FYB2: variants seen among roughly 807,000 people sequenced by gnomAD.
FYB2 encodes the protein FYN-binding protein 2.
A neutral mutation model predicts 94.1 loss-of-function variants in FYB2; 103 were observed. That is an observed-to-expected ratio of 1.09 (90% CI 0.93 to 1.29). The LOEUF (loss-of-function observed/expected upper bound fraction) is 1.29, where lower values mean the gene tolerates loss of function less well. Ranked by LOEUF, FYB2 falls within the 50% of genes most tolerant of loss-of-function variation. The pLI is 0.00. For missense variants in FYB2, 896 were observed against 841.5 expected (o/e 1.06, Z -0.80); for synonymous variants, 293 against 287.9 (o/e 1.02, Z -0.18).
intron 17 of FYB2, among the ~76,000 whole-genome samples, chr1:56,722,283 CA>C (rs891788260): frequency 1.3e-5 from 2 of 151,984 alleles, no homozygotes; most frequent in African/African-American, 4.8e-5. Flanking sequence ...TAGTTCATCT[CA>C]AAAAATATTT....
chr1:56,762,412 AT>A, intron 5 of FYB2, among the ~76,000 whole-genome samples: 1 of 152,170 alleles, frequency 6.6e-6, no homozygotes, highest in Non-Finnish European at 1.5e-5. Context: ...TTTAATCAGA[AT>A]TTTATAGCTT....
intron 5 of FYB2, among the ~76,000 whole-genome samples, chr1:56,761,791 T>C (rs74602070): frequency 4.2e-5 from 4 of 95,052 alleles, no homozygotes; most frequent in Admixed American, 4.2e-4. Context: ...TCCTTCCCTC[T>C]CTCCTTCCCT....
At chr1:56,735,195 A>G (rs1245721896) in intron 15 of FYB2, among the ~76,000 whole-genome samples, 2 of 152,160 alleles carry the variant, frequency 1.3e-5, no homozygotes. Context: ...TAGCCAACAT[A>G]TGGAATCAAC....
intron 5 of FYB2, among the ~76,000 whole-genome samples, chr1:56,763,978 T>TTTGCTCTTATTGCCCAGTTTTGCTCTTA (rs1645563501): frequency 1.3e-5 from 2 of 151,858 alleles, no homozygotes; most frequent in African/African-American, 2.4e-5. Context: ...TAGATGGAGT[T>TTTGCTCTTATTGCCCAGTTTTGCTCTTA]TTGCTCTTAT....
chr1:56,751,001 C>A, intron 9 of FYB2, 43 bp downstream of exon 9: 1 of 1,585,022 alleles, frequency 6.3e-7, no homozygotes, highest in East Asian at 2.3e-5. Flanking sequence ...AGCTATAAAA[C>A]AAATTGTAAT....
chr1:56,803,848 A>G (rs6662617), intron 1 of FYB2, among the ~76,000 whole-genome samples: 51,422 of 152,054 alleles, frequency 0.34, 9,767 homozygotes, highest in Non-Finnish European at 0.44. Flanking sequence ...TCTACTGTCC[A>G]AATTTTACTC....
intron 6 of FYB2, among the ~76,000 whole-genome samples, chr1:56,757,970 T>C (rs1483747864): frequency 1.3e-5 from 2 of 150,224 alleles, no homozygotes; most frequent in Non-Finnish European, 3.0e-5. Context: ...GTAGGGACAG[T>C]ATTTCACCAT....
At chr1:56,803,596 C>G (rs1472953832) in intron 1 of FYB2, among the ~76,000 whole-genome samples, 3 of 152,190 alleles carry the variant, frequency 2.0e-5, no homozygotes, top group African/African-American at 7.2e-5. Context: ...CTCTAAAATA[C>G]AATTCCAGTC....
intron 17 of FYB2, among the ~76,000 whole-genome samples, chr1:56,721,719 T>A (rs901972654): frequency 1.3e-5 from 2 of 152,108 alleles, no homozygotes; most frequent in East Asian, 3.9e-4. Flanking sequence ...TACATGACAA[T>A]CCTTGAATAC....
At chr1:56,752,087 G>T (rs1645213341) in intron 8 of FYB2, among the ~76,000 whole-genome samples, 1 of 151,966 alleles carries the variant, frequency 6.6e-6, no homozygotes, top group East Asian at 1.9e-4. Flanking sequence ...TCCTTATAAG[G>T]GTAGCAAGGA....
chr1:56,740,073 T>A (rs1000100252), intron 13 of FYB2, among the ~76,000 whole-genome samples: 3 of 151,914 alleles, frequency 2.0e-5, no homozygotes, highest in Non-Finnish European at 4.4e-5. Flanking sequence ...ATGCCCACAG[T>A]TGTACATGGA....
chr1:56,823,493 A>C (rs1647005106), upstream of FYB2, among the ~76,000 whole-genome samples: 1 of 152,218 alleles, frequency 6.6e-6, no homozygotes, highest in Non-Finnish European at 1.5e-5. Context: ...TGTGGGTTCA[A>C]GAAAGGTCTT....
At chr1:56,819,560 A>G (rs1477648794), upstream of FYB2, 24 of 575,784 alleles carry the variant, frequency 4.2e-5, no homozygotes, top group East Asian at 6.9e-4. Flanking sequence ...CAGTCCTGCC[A>G]AGCCCACCTC....
chr1:56,728,005 A>G (rs1430955788), intron 15 of FYB2, among the ~76,000 whole-genome samples: 1 of 152,118 alleles, frequency 6.6e-6, no homozygotes, highest in Non-Finnish European at 1.5e-5. Flanking sequence ...TGGGCAACAT[A>G]GTAAGACCTC....
At chr1:56,751,914 G>A (rs1439589662) in intron 8 of FYB2, among the ~76,000 whole-genome samples, 1 of 151,998 alleles carries the variant, frequency 6.6e-6, no homozygotes, top group Non-Finnish European at 1.5e-5. Context: ...GAGGAGGTTG[G>A]TTCTCTTGGC....
At chr1:56,800,382 T>C (rs2101022369) in intron 1 of FYB2, among the ~76,000 whole-genome samples, 1 of 152,234 alleles carries the variant, frequency 6.6e-6, no homozygotes, top group South Asian at 2.1e-4. Context: ...TATGAAGGGA[T>C]AGGAACAACA....
chr1:56,725,511 A>T (rs529483888), intron 16 of FYB2, among the ~76,000 whole-genome samples: 1 of 152,194 alleles, frequency 6.6e-6, no homozygotes, highest in Non-Finnish European at 1.5e-5. Flanking sequence ...GTAGTTATCA[A>T]CATACTAAAA....
At chr1:56,753,287 C>A (rs1645244850) in intron 8 of FYB2, among the ~76,000 whole-genome samples, 1 of 152,090 alleles carries the variant, frequency 6.6e-6, no homozygotes, top group Non-Finnish European at 1.5e-5. Flanking sequence ...TACACACATT[C>A]ACCATATTTA....
In FYB2 at chr1:56,749,660, G is replaced by T. The variant is rs576181856; in HGVS notation, c.1387+1384C>A. ...CTGCAATATCTTGTAGGTTGGTTCT[G>T]CTATCTGTTCCACTGGTTTTCCCTC... On this transcript the variant is annotated intron_variant, in intron 9 of 19. Coordinates refer to ENST00000343433, the MANE Select transcript of FYB2 (RefSeq NM_001004303.5). Among the ~76,000 whole-genome samples the T allele has an allele frequency of 2.0e-5, 3 of 152,002 alleles. No homozygotes were observed. In the East Asian group the frequency reaches 5.8e-4, roughly 30 times the overall value.
Sources: allele counts gnomAD v4.1 joint callset (sites outside exome capture counted in the v4.1 genomes callset), GRCh38; gene constraint gnomAD v4.1.1; transcripts MANE v1.5; gene names NCBI Gene and HGNC (gene_info 2026-07-23, HGNC 2026-07-21).